The following IMMP2L variants were observed in gnomAD, a reference collection of about 807,000 sequenced individuals.
The protein encoded by IMMP2L is inner mitochondrial membrane peptidase subunit 2.
In IMMP2L, 18 loss-of-function variants were observed where a neutral mutation model predicts 19.3. That is an observed-to-expected ratio of 0.93 (90% CI 0.64 to 1.38). The LOEUF (loss-of-function observed/expected upper bound fraction) is 1.38. Ranked by LOEUF, IMMP2L falls within the 40% of genes most tolerant of loss-of-function variation. IMMP2L has a pLI of 0.00. For synonymous variants in IMMP2L, 76 were observed against 73.0 expected (o/e 1.04, Z -0.21); for missense variants, 233 against 218.2 (o/e 1.07, Z -0.43).
At chr7:111,257,154 G>T (rs1816780402) in intron 3 of IMMP2L, among the ~76,000 whole-genome samples, 1 of 152,030 alleles carries the variant, frequency 6.6e-6, no homozygotes, top group South Asian at 2.1e-4. Flanking sequence ...GGCTTAACTT[G>T]GTTGGTAGTG....
At chr7:111,256,141 T>A (rs1816673272) in intron 3 of IMMP2L, among the ~76,000 whole-genome samples, 1 of 152,082 alleles carries the variant, frequency 6.6e-6, no homozygotes, top group South Asian at 2.1e-4. Context: ...TTAGATAGTA[T>A]TCTAGCAAGC....
rs188612878 is a variant in IMMP2L at position 111,211,071 on chromosome 7, T to C, written c.240-247506A>G. ...ATTTAATAAATATGTATTGAGTCAG[T>C]ATATAAAACTTTGTGAAATCCCATA... On this transcript the variant is annotated intron_variant, in intron 3 of 5. Coordinates refer to ENST00000405709, the MANE Select transcript of IMMP2L (RefSeq NM_032549.4). Among the ~76,000 whole-genome samples the C allele has an allele frequency of 4.5e-3, 680 of 152,280 alleles. 4 individuals are homozygous for C. Among genetic ancestry groups the C allele is most frequent in the African/African-American group, 0.015 (609 of 41,548 alleles).
At chr7:111,168,173 T>C (rs1324833246) in intron 3 of IMMP2L, among the ~76,000 whole-genome samples, 4 of 151,980 alleles carry the variant, frequency 2.6e-5, no homozygotes, top group African/African-American at 4.8e-5. Context: ...GGACTTAATT[T>C]TGAGTGTTAA....
At chr7:111,031,084 T>C (rs998577498) in intron 3 of IMMP2L, among the ~76,000 whole-genome samples, 2 of 151,644 alleles carry the variant, frequency 1.3e-5, no homozygotes, top group African/African-American at 2.4e-5. Context: ...TATGAACACA[T>C]GTTTAGCTTA....
chr7:110,843,693 A>G (rs997082572), intron 5 of IMMP2L, among the ~76,000 whole-genome samples: 2 of 152,210 alleles, frequency 1.3e-5, no homozygotes, highest in Non-Finnish European at 2.9e-5. Context: ...AAACACCAGA[A>G]AAAATATAAA....
intron 3 of IMMP2L, among the ~76,000 whole-genome samples, chr7:110,966,758 C>T (rs1053996794): frequency 5.9e-5 from 9 of 152,076 alleles, no homozygotes; most frequent in Non-Finnish European, 1.2e-4. Flanking sequence ...AAATCTATAT[C>T]TATATTTTAA....
At chr7:111,018,833 TTATTAC>T (rs1469443730) in intron 3 of IMMP2L, among the ~76,000 whole-genome samples, 72 of 123,152 alleles carry the variant, frequency 5.8e-4, no homozygotes, top group African/African-American at 2.1e-3. Context: ...ATTATTATTA[TTATTAC>T]AAGCATCAGT....
intron 3 of IMMP2L, among the ~76,000 whole-genome samples, chr7:111,445,061 G>C (rs867557585): frequency 6.6e-6 from 1 of 151,978 alleles, no homozygotes; most frequent in Non-Finnish European, 1.5e-5. Context: ...GAAATCAATT[G>C]CTAGATCTAA....
chr7:111,558,420 C>T (rs1357050342), intron 1 of IMMP2L, among the ~76,000 whole-genome samples: 1 of 152,306 alleles, frequency 6.6e-6, no homozygotes, highest in East Asian at 1.9e-4. Context: ...AATGAAACAA[C>T]TATTTACTGA....
chr7:111,178,364 G>C (rs1807310675), intron 3 of IMMP2L, among the ~76,000 whole-genome samples: 1 of 152,000 alleles, frequency 6.6e-6, no homozygotes, highest in Admixed American at 6.6e-5. Context: ...TAGCTACTAG[G>C]GGGTCTTGCC....
At chr7:111,038,695 T>C (rs1563183435) in intron 3 of IMMP2L, among the ~76,000 whole-genome samples, 1 of 152,274 alleles carries the variant, frequency 6.6e-6, no homozygotes, top group Non-Finnish European at 1.5e-5. Flanking sequence ...GTTTCATATG[T>C]TAAATAATCT....
intron 3 of IMMP2L, among the ~76,000 whole-genome samples, chr7:111,465,592 C>A (rs557183194): frequency 4.4e-4 from 67 of 151,154 alleles, no homozygotes; most frequent in African/African-American, 1.6e-3. Context: ...CATCACTGGC[C>A]ATCAGAGAAA....
intron 5 of IMMP2L, among the ~76,000 whole-genome samples, chr7:110,748,697 T>C (rs1473517640): frequency 1.3e-5 from 2 of 152,152 alleles, no homozygotes; most frequent in Non-Finnish European, 2.9e-5. Flanking sequence ...GCTAGCCATA[T>C]GTAGAAAACT....
At chr7:111,524,203 T>A (rs1206368205) in intron 1 of IMMP2L, among the ~76,000 whole-genome samples, 2 of 152,024 alleles carry the variant, frequency 1.3e-5, no homozygotes, top group African/African-American at 4.8e-5. Flanking sequence ...TTATAATAAA[T>A]TTAAAAACGG....
intron 5 of IMMP2L, among the ~76,000 whole-genome samples, chr7:110,669,042 TGTGTGTGTGC>T (rs765051807): frequency 0.33 from 32,540 of 98,218 alleles, 4,396 homozygotes; most frequent in Non-Finnish European, 0.38. Flanking sequence ...TGTGTGTGTG[TGTGTGTGTGC>T]GTGTGTGTGT....
chr7:110,826,210 G>C (rs1803472436), intron 5 of IMMP2L, among the ~76,000 whole-genome samples: 1 of 152,168 alleles, frequency 6.6e-6, no homozygotes, highest in Non-Finnish European at 1.5e-5. Context: ...AGGATGTGGA[G>C]AAACAGGAAC....
intron 3 of IMMP2L, among the ~76,000 whole-genome samples, chr7:111,387,466 TC>T (rs1831875234): frequency 6.6e-6 from 1 of 152,152 alleles, no homozygotes; most frequent in Admixed American, 6.5e-5. Flanking sequence ...CAACAAGAAC[TC>T]GTTTTAGCTA....
At chr7:110,850,039 G>T (rs1806041203) in intron 5 of IMMP2L, among the ~76,000 whole-genome samples, 3 of 151,876 alleles carry the variant, frequency 2.0e-5, no homozygotes, top group Non-Finnish European at 4.4e-5. Context: ...AGAAGATAAT[G>T]AAATTTTAAA....
At chr7:111,094,677 T>C (rs1309529268) in intron 3 of IMMP2L, among the ~76,000 whole-genome samples, 1 of 152,190 alleles carries the variant, frequency 6.6e-6, no homozygotes, top group Non-Finnish European at 1.5e-5. Context: ...ACATAGCTCC[T>C]GCACAGAGCT....
Sources: gnomAD v4.1 joint callset for allele counts (sites outside exome capture counted in the v4.1 genomes callset) on GRCh38, gnomAD v4.1.1 for gene constraint, MANE v1.5 for transcripts, NCBI Gene and HGNC (gene_info 2026-07-23, HGNC 2026-07-21) for gene names.